The following PRKG1 variants were observed in gnomAD, a reference collection of about 807,000 sequenced individuals.
PRKG1 encodes the protein protein kinase cGMP-dependent 1.
Under a neutral mutation model 88.1 loss-of-function variants are expected in PRKG1, and 35 were observed. The observed-to-expected ratio is 0.40, with a 90% confidence interval of 0.30 to 0.53. PRKG1 has a LOEUF of 0.53. PRKG1 is among the 20% of genes least tolerant of loss of function. The probability of loss-of-function intolerance (pLI) is 0.59; values close to 1 mark genes in which losing one functional copy is unlikely to be tolerated. For synonymous variants in PRKG1, 303 were observed against 292.5 expected, an observed-to-expected ratio of 1.04 and a Z score of -0.37; for missense variants, 540 against 839.8, an observed-to-expected ratio of 0.64 and a Z score of 4.41.
intron 8 of PRKG1, among the ~76,000 whole-genome samples, chr10:52,144,772 G>A (rs779226392): frequency 2.6e-5 from 4 of 152,050 alleles, no homozygotes; most frequent in South Asian, 2.1e-4. Flanking sequence ...AGCTGAGATC[G>A]CATCACTGTA....
intron 5 of PRKG1, among the ~76,000 whole-genome samples, chr10:52,028,521 A>G (rs947607815): frequency 5.3e-5 from 8 of 152,172 alleles, no homozygotes; most frequent in Non-Finnish European, 1.0e-4. Flanking sequence ...CCCCTCAAGC[A>G]TAAGTTCTGG....
intron 1 of PRKG1, among the ~76,000 whole-genome samples, chr10:51,145,873 A>G (rs1484283435): frequency 2.0e-5 from 3 of 152,234 alleles, no homozygotes; most frequent in African/African-American, 7.2e-5. Context: ...AGAAAACTCC[A>G]TACTGTTTTC....
intron 2 of PRKG1, among the ~76,000 whole-genome samples, chr10:51,439,128 C>T (rs561990756): frequency 6.6e-6 from 1 of 151,682 alleles, no homozygotes; most frequent in Non-Finnish European, 1.5e-5. Context: ...TTTCGCCCCC[C>T]CTTACGAACA....
intron 2 of PRKG1, among the ~76,000 whole-genome samples, chr10:51,349,466 G>GTGTGTA (rs748195140): frequency 8.8e-5 from 8 of 91,420 alleles, no homozygotes; most frequent in South Asian, 8.6e-4. Flanking sequence ...GTGTGTGTGT[G>GTGTGTA]TGTGTGTGTG....
rs187268385 is a variant in PRKG1 at position 51,037,966 on chromosome 10, T to G, written c.266+46322T>G. Among the ~76,000 whole-genome samples the G allele has an allele frequency of 1.9e-3, 283 of 152,318 alleles. 2 individuals carry two copies. The highest frequency in any genetic ancestry group is 8.4e-4 in the Non-Finnish European group (57 of 68,030). Reference sequence around the variant, plus strand: ...TGAAACTAACAGGAGTTATAAACTTTTGACTTTATTGTTTTTAACTTAGTA... The same window carrying G: ...TGAAACTAACAGGAGTTATAAACTTGTGACTTTATTGTTTTTAACTTAGTA... On this transcript the variant is annotated intron_variant, in intron 1 of 17. Coordinates refer to the PRKG1 transcript ENST00000401604.
chr10:51,518,947 G>T (rs1393988618), intron 3 of PRKG1, among the ~76,000 whole-genome samples: 1 of 152,096 alleles, frequency 6.6e-6, no homozygotes, highest in Non-Finnish European at 1.5e-5. Context: ...TGCTTTCATT[G>T]TTCAAAATAA....
intron 9 of PRKG1, among the ~76,000 whole-genome samples, chr10:52,225,221 T>G (rs188137246): frequency 1.3e-5 from 2 of 152,206 alleles, no homozygotes; most frequent in African/African-American, 4.8e-5. Context: ...GATTTGCATT[T>G]CCCTGATCAT....
chr10:51,632,851 A>G (rs993572184), intron 3 of PRKG1, among the ~76,000 whole-genome samples: 2 of 152,192 alleles, frequency 1.3e-5, no homozygotes, highest in African/African-American at 4.8e-5. Context: ...ATAAAGACAG[A>G]GGAGTAAATG....
chr10:51,847,973 GT>G (rs923183469), intron 4 of PRKG1, among the ~76,000 whole-genome samples: 1 of 145,354 alleles, frequency 6.9e-6, no homozygotes, highest in Non-Finnish European at 1.5e-5. Context: ...ACGTTTCATG[GT>G]TTTTAAAAGT....
intron 3 of PRKG1, among the ~76,000 whole-genome samples, chr10:51,764,620 G>T (rs1838107847): frequency 6.6e-6 from 1 of 152,122 alleles, no homozygotes; most frequent in South Asian, 2.1e-4. Flanking sequence ...GTGACCGTGT[G>T]TGCTTTCCAT....
intron 4 of PRKG1, among the ~76,000 whole-genome samples, chr10:51,808,439 TA>T (rs535430149): frequency 1.1e-3 from 162 of 151,808 alleles, no homozygotes; most frequent in African/African-American, 3.5e-3. Context: ...CTGCAAAAAA[TA>T]GAAAAATAGA....
intron 2 of PRKG1, among the ~76,000 whole-genome samples, chr10:51,262,627 T>C (rs1224256393): frequency 1.3e-5 from 2 of 152,172 alleles, no homozygotes. Flanking sequence ...GCTGGGTCGT[T>C]TATAAAGAAA....
At chr10:52,243,170 G>A (rs987808666) in intron 9 of PRKG1, among the ~76,000 whole-genome samples, 7 of 152,088 alleles carry the variant, frequency 4.6e-5, no homozygotes, top group Non-Finnish European at 1.0e-4. Context: ...CAGGAACCAC[G>A]TTGTAGGCAA....
intron 1 of PRKG1, among the ~76,000 whole-genome samples, chr10:51,026,645 CT>C (rs1256434061): frequency 6.6e-6 from 1 of 152,072 alleles, no homozygotes; most frequent in African/African-American, 2.4e-5. Flanking sequence ...TCTCTTTTCC[CT>C]TTTTGTCTTC....
chr10:51,884,471 G>A (rs199967796), intron 4 of PRKG1, among the ~76,000 whole-genome samples: 2,613 of 103,076 alleles, frequency 0.025, no homozygotes, highest in East Asian at 0.054. Context: ...AAAAAAAAAA[G>A]AAAAGTTTAG....
chr10:51,571,033 C>T (rs1049520408), intron 3 of PRKG1, among the ~76,000 whole-genome samples: 1 of 151,954 alleles, frequency 6.6e-6, no homozygotes, highest in Non-Finnish European at 1.5e-5. Context: ...TGTGGTGAGA[C>T]TGCCAGAGTT....
At chr10:51,155,175 A>C (rs759048404) in intron 2 of PRKG1, among the ~76,000 whole-genome samples, 7 of 151,994 alleles carry the variant, frequency 4.6e-5, no homozygotes, top group Non-Finnish European at 1.0e-4. Flanking sequence ...ATGTTCCTTC[A>C]TCTTAAATAT....
intron 2 of PRKG1, among the ~76,000 whole-genome samples, chr10:51,179,655 G>C (rs1837294700): frequency 6.6e-6 from 1 of 152,144 alleles, no homozygotes; most frequent in Non-Finnish European, 1.5e-5. Flanking sequence ...AGGAGTTACG[G>C]ATTATGGACA....
chr10:51,958,574 C>T (rs1247008925), intron 5 of PRKG1, among the ~76,000 whole-genome samples: 3 of 120,920 alleles, frequency 2.5e-5, no homozygotes, highest in Non-Finnish European at 1.7e-5. Flanking sequence ...AGTTGGACGT[C>T]TACAGAGTAT....
Sources: gnomAD v4.1 joint callset for allele counts (sites outside exome capture counted in the v4.1 genomes callset) on GRCh38, gnomAD v4.1.1 for gene constraint, MANE v1.5 for transcripts, NCBI Gene and HGNC (gene_info 2026-07-23, HGNC 2026-07-21) for gene names.